CTNNAL1: variants seen among roughly 807,000 people sequenced by gnomAD.
CTNNAL1 encodes the protein catenin alpha like 1.
Under a neutral mutation model 93.6 loss-of-function variants are expected in CTNNAL1, and 69 were observed. The ratio of observed to expected loss-of-function variants is 0.74; its 90% CI spans 0.61 to 0.90. CTNNAL1 has a LOEUF of 0.90. Ranked by LOEUF, CTNNAL1 falls within the 40% of genes least tolerant of loss-of-function variation. The pLI is 0.00. For missense variants in CTNNAL1, 836 were observed against 862.0 expected (o/e 0.97, Z 0.38); for synonymous variants, 286 against 305.4 (o/e 0.94, Z 0.66).
chr9:108,955,828 C>T lies in CTNNAL1; in HGVS notation c.1592-1G>A. On this transcript the variant is annotated splice_acceptor_variant, in intron 11 of 18. Transcript: ENST00000325551. LOFTEE classifies it high-confidence loss of function. ...AGTGAAAGGTAGCCATACTTCTCTC[C>T]TACAAATAACACATATAACTTAAAA... The T allele has an allele frequency of 6.3e-7, 1 of 1,595,062 alleles. No individual in the cohort carries two copies. The highest frequency in any genetic ancestry group is 1.1e-5 in the South Asian group (1 of 87,430).
intron 15 of CTNNAL1, 151 bp downstream of exon 15, chr9:108,948,035 T>C: frequency 1.2e-6 from 1 of 864,596 alleles, no homozygotes; most frequent in Non-Finnish European, 1.7e-6. Flanking sequence ...GCAAGCCATC[T>C]ACCTTTCTAC....
chr9:108,944,889 T>C (rs1830356492), intron 15 of CTNNAL1, among the ~76,000 whole-genome samples: 2 of 152,212 alleles, frequency 1.3e-5, no homozygotes, highest in South Asian at 2.1e-4. Flanking sequence ...TAAAATGATC[T>C]CAAGGTCAAA....
chr9:108,985,578 T>A (rs184654815), intron 4 of CTNNAL1, among the ~76,000 whole-genome samples: 56 of 152,336 alleles, frequency 3.7e-4, no homozygotes, highest in Non-Finnish European at 6.8e-4. Context: ...GAGATGGAAT[T>A]ACAAATAGTG....
At chr9:108,963,151 G>A (rs562107358) in intron 11 of CTNNAL1, among the ~76,000 whole-genome samples, 4 of 152,214 alleles carry the variant, frequency 2.6e-5, no homozygotes, top group Middle Eastern at 6.8e-3. Context: ...TCAGAACATC[G>A]CCTGGGATTA....
chr9:108,954,637 G>A (rs1830645309), intron 12 of CTNNAL1, among the ~76,000 whole-genome samples: 1 of 152,076 alleles, frequency 6.6e-6, no homozygotes, highest in African/African-American at 2.4e-5. Flanking sequence ...ATAGCTTAAG[G>A]CACAAAAACT....
rs1159692366 is a variant in CTNNAL1, at chr9:108,948,176, C to G, written c.1884+10G>C. 6.2e-7 allele frequency: 1 copy of G among 1,609,700 alleles called. No homozygotes were observed. Among genetic ancestry groups the G allele is most frequent in the Non-Finnish European group, 8.5e-7 (1 of 1,178,962 alleles). ...TTAAAGTACTAGCATAAAACGGAAA[C>G]AAGGCATACCTCTAGTTGATGAATT... On this transcript the variant is annotated intron_variant, in intron 15 of 18. Coordinates refer to ENST00000325551, the MANE Select transcript of CTNNAL1 (RefSeq NM_003798.4).
At chr9:108,975,775 G>A (rs996238337) in intron 8 of CTNNAL1, among the ~76,000 whole-genome samples, 4 of 152,198 alleles carry the variant, frequency 2.6e-5, no homozygotes, top group Non-Finnish European at 4.4e-5. Context: ...CAACTCTGCT[G>A]TTGTAGTGAG....
intron 8 of CTNNAL1, 29 bp from the exon 9 acceptor site, chr9:108,972,862 G>GCCCCAC: frequency 3.1e-6 from 1 of 320,480 alleles, no homozygotes; most frequent in Non-Finnish European, 5.4e-6. Flanking sequence ...GTGGGGGGGT[G>GCCCCAC]GGAGGGTGGA....
Position 108,952,202 on chromosome 9 carries a change from C to T in CTNNAL1, c.1835+7G>A, listed in dbSNP as rs368402429. The T allele has an allele frequency of 1.2e-6, 2 of 1,601,204 alleles. No individual in the cohort carries two copies. Among genetic ancestry groups the T allele is most frequent in the Admixed American group, 1.7e-5 (1 of 58,024 alleles). On this transcript the variant is annotated splice_region_variant and intron_variant, in intron 14 of 18. Coordinates refer to ENST00000325551, the MANE Select transcript of CTNNAL1 (RefSeq NM_003798.4). ...GATTTAAAAAATAAAAATACAACTA[C>T]ATTTACCTAGTAAATAAATACAGAG...
At chr9:108,982,751 T>A (rs965755049) in intron 6 of CTNNAL1, among the ~76,000 whole-genome samples, 1 of 152,202 alleles carries the variant, frequency 6.6e-6, no homozygotes, top group African/African-American at 2.4e-5. Context: ...TACACAAAAA[T>A]ATGGATACTA....
chr9:108,968,988 A>G (rs1831034005), intron 10 of CTNNAL1, among the ~76,000 whole-genome samples: 1 of 152,084 alleles, frequency 6.6e-6, no homozygotes, highest in Non-Finnish European at 1.5e-5. Flanking sequence ...AAAGAAGGAA[A>G]CAGCTGGGTG....
chr9:108,954,229 A>G (rs1349725732), intron 12 of CTNNAL1, among the ~76,000 whole-genome samples: 9 of 152,168 alleles, frequency 5.9e-5, no homozygotes, highest in Non-Finnish European at 1.3e-4. Flanking sequence ...ATATAAAGCT[A>G]AAAGACGTCA....
intron 6 of CTNNAL1, among the ~76,000 whole-genome samples, chr9:108,981,095 G>GAGCTGTCGGCAGCAGCCAC (rs1476157757): frequency 2.0e-5 from 3 of 152,258 alleles, no homozygotes; most frequent in African/African-American, 7.2e-5. Context: ...GCAGCAGCCA[G>GAGCTGTCGGCAGCAGCCAC]AGCTGTCGGC....
intron 11 of CTNNAL1, among the ~76,000 whole-genome samples, chr9:108,959,119 G>C (rs1194713850): frequency 6.6e-6 from 1 of 151,616 alleles, no homozygotes; most frequent in Non-Finnish European, 1.5e-5. Context: ...CAGCTCTTTG[G>C]GAGGCTGAGG....
Position 108,970,457 on chromosome 9 carries a change from G to A in CTNNAL1, c.1385C>T (p.Pro462Leu). The stretch of plus-strand genomic sequence containing the variant: ...TGCATGTATACAGGTTATTTCCAGA[G>A]GTTCTGTCCCAGATATGTGTCGTAA... ...RLLRHISGTE[P>L]LEITCIHAEE... Residue 462 changes from proline (P) to leucine (L), a missense_variant, in exon 10 of 19, where the codon CCT becomes CTT. Pro to Leu is a moderately conservative substitution (Grantham distance 98). Transcript: ENST00000325551. 6.2e-7 allele frequency: 1 copy of A among 1,612,342 alleles called. No individual in the cohort carries two copies. Among genetic ancestry groups the A allele is most frequent in the Non-Finnish European group, 8.5e-7 (1 of 1,179,302 alleles).
In CTNNAL1 at chr9:108,942,666, CT is replaced by C. The variant is rs1197913085; in HGVS notation, c.*102del. ...TAGAGCAAAATTTCAATATTGTTTT[CT>C]TTATAAAATTGATGAATTTCTGAAA... On this transcript the variant is annotated 3_prime_UTR_variant, in exon 19 of 19. Transcript: ENST00000325551. 1 of 844,142 alleles carries C rather than the reference CT, an allele frequency of 1.2e-6. No individual in the cohort carries two copies. Among genetic ancestry groups the C allele is most frequent in the Non-Finnish European group, 1.9e-6 (1 of 530,102 alleles). 52.3% of individuals were successfully genotyped at this position (844,142 alleles called of 1,614,324 possible). A position where few individuals can be genotyped will look rare whatever the true frequency, so the allele number is the denominator to read the frequency against.
At chr9:108,996,330 A>G (rs896507349) in intron 2 of CTNNAL1, among the ~76,000 whole-genome samples, 1 of 152,176 alleles carries the variant, frequency 6.6e-6, no homozygotes, top group Non-Finnish European at 1.5e-5. Flanking sequence ...AACAAAGAAA[A>G]TGATTCGTAG....
At chr9:108,958,751 A>T (rs1161782101) in intron 11 of CTNNAL1, among the ~76,000 whole-genome samples, 1 of 151,380 alleles carries the variant, frequency 6.6e-6, no homozygotes, top group Non-Finnish European at 1.5e-5. Context: ...TTTGAGACAG[A>T]GTCTCACTCT....
At chr9:109,009,963 G>T (rs1399424640) in intron 1 of CTNNAL1, among the ~76,000 whole-genome samples, 1 of 152,008 alleles carries the variant, frequency 6.6e-6, no homozygotes, top group South Asian at 2.1e-4. Context: ...ATATTCTTAG[G>T]AAGCTCATAT....
Sources: gnomAD v4.1 joint callset for allele counts (sites outside exome capture counted in the v4.1 genomes callset) on GRCh38, gnomAD v4.1.1 for gene constraint, MANE v1.5 for transcripts, NCBI Gene and HGNC (gene_info 2026-07-23, HGNC 2026-07-21) for gene names.